HS3ST2: variants seen among roughly 807,000 people sequenced by gnomAD.
The protein encoded by HS3ST2 is heparan sulfate-glucosamine 3-sulfotransferase 2, also known as heparan sulfate glucosamine 3-O-sulfotransferase 2.
HS3ST2 carries 17 observed loss-of-function variants against 26.3 expected under a neutral mutation model. That is an observed-to-expected ratio of 0.65 (90% CI 0.44 to 0.97). HS3ST2 has a LOEUF of 0.97. HS3ST2 is among the 50% of genes least tolerant of loss of function. The pLI is 0.00. For missense variants in HS3ST2, 402 were observed against 501.2 expected, an observed-to-expected ratio of 0.80 and a Z score of 1.89; for synonymous variants, 237 against 219.2, an observed-to-expected ratio of 1.08 and a Z score of -0.72.
At chr16:22,863,805 C>A (rs1264514357) in intron 1 of HS3ST2, among the ~76,000 whole-genome samples, 1 of 152,192 alleles carries the variant, frequency 6.6e-6, no homozygotes, top group East Asian at 1.9e-4. Flanking sequence ...GCTCTCCAGG[C>A]CGTGCAAGAA....
chr16:22,822,256 C>T (rs1319042108), intron 1 of HS3ST2, among the ~76,000 whole-genome samples: 1 of 152,250 alleles, frequency 6.6e-6, no homozygotes, highest in Non-Finnish European at 1.5e-5. Flanking sequence ...GTCTCAACCT[C>T]CCAGGCTCAA....
At chr16:22,865,280 C>T (rs1299885123) in intron 1 of HS3ST2, among the ~76,000 whole-genome samples, 7 of 151,956 alleles carry the variant, frequency 4.6e-5, no homozygotes, top group South Asian at 2.1e-4. Context: ...CTAGGCCGGG[C>T]GCGGTGGCTC....
intron 1 of HS3ST2, among the ~76,000 whole-genome samples, chr16:22,824,677 T>G (rs1596604315): frequency 6.6e-6 from 1 of 152,300 alleles, no homozygotes; most frequent in South Asian, 2.1e-4. Context: ...CAATGCAACT[T>G]CTTTGTGTGC....
chr16:22,894,746 A>G (rs1902183018), intron 1 of HS3ST2, among the ~76,000 whole-genome samples: 2 of 152,064 alleles, frequency 1.3e-5, no homozygotes, highest in Admixed American at 1.3e-4. Context: ...AAAAAAAAAA[A>G]AAAAAAGGAG....
At position 22,881,060 on chromosome 16, in the gene HS3ST2, T is replaced by C. The variant is rs531768938; in HGVS notation, c.486-33884T>C. Among the ~76,000 whole-genome samples, 7 of 152,360 alleles carry C rather than the reference T, an allele frequency of 4.6e-5. No homozygotes were observed. The East Asian group carries it at 1.4e-3, about 29-fold the overall frequency. On this transcript the variant is annotated intron_variant, in intron 1 of 1. Transcript: ENST00000261374. Reference sequence around the variant, plus strand: ...GAGTTTAAACTGAGTTTCCATCACTTGCAACCAAAGGACAGATCTCCATTC... The same window carrying C: ...GAGTTTAAACTGAGTTTCCATCACTCGCAACCAAAGGACAGATCTCCATTC...
At chr16:22,900,419 G>C (rs1281259984) in intron 1 of HS3ST2, among the ~76,000 whole-genome samples, 4 of 152,150 alleles carry the variant, frequency 2.6e-5, no homozygotes, top group Admixed American at 2.6e-4. Flanking sequence ...GTAGAGCCTA[G>C]CTAGAGACAG....
chr16:22,899,742 G>A (rs1359124661), intron 1 of HS3ST2, among the ~76,000 whole-genome samples: 1 of 152,216 alleles, frequency 6.6e-6, no homozygotes, highest in Admixed American at 6.5e-5. Context: ...GAGAGAGCAT[G>A]TGCAGGGGAA....
intron 1 of HS3ST2, among the ~76,000 whole-genome samples, chr16:22,871,265 A>G (rs1281754866): frequency 1.3e-5 from 2 of 152,010 alleles, no homozygotes; most frequent in African/African-American, 4.8e-5. Flanking sequence ...CTGAGGCAGA[A>G]GAATTGCTTG....
Position 22,814,847 on chromosome 16 carries a change from G to GCCCAGCGAGCCCAGCGCT in HS3ST2, c.245_262dup (p.Glu82_Ser87dup). 1 of 1,561,190 alleles carries GCCCAGCGAGCCCAGCGCT rather than the reference G, an allele frequency of 6.4e-7. No homozygotes were observed. Among genetic ancestry groups the GCCCAGCGAGCCCAGCGCT allele is most frequent in the Non-Finnish European group, 8.7e-7 (1 of 1,153,626 alleles). On this transcript the variant is annotated inframe_insertion, in exon 1 of 2. Transcript: ENST00000261374. ...GCCCCTGTGATCCCTCCGGGCCGAC[G>GCCCAGCGAGCCCAGCGCT]CCCAGCGAGCCCAGCGCTCCCAGCG...
In HS3ST2 at chr16:22,915,307, C is replaced by A. The variant is rs947875343; in HGVS notation, c.849C>A (p.Gly283=). ...AGCGACTCATCACTGACCCGGCCGGCGAGATGGGGCGAGTCCAGGACTTCC... is the reference window on the plus strand; with the variant it reads ...AGCGACTCATCACTGACCCGGCCGGAGAGATGGGGCGAGTCCAGGACTTCC... ...SGERLITDPA[G]EMGRVQDFLG... is the part of the protein sequence containing the mutation. Residue 283 remains glycine, a synonymous_variant, in exon 2 of 2, where the codon GGC becomes GGA. Transcript: ENST00000261374. 1.9e-6 allele frequency: 3 copies of A among 1,613,720 alleles called. No individual in the cohort carries two copies. Among genetic ancestry groups the A allele is most frequent in the East Asian group, 2.2e-5 (1 of 44,852 alleles).
intron 1 of HS3ST2, among the ~76,000 whole-genome samples, chr16:22,844,456 C>T (rs982287454): frequency 1.4e-4 from 22 of 152,082 alleles, no homozygotes; most frequent in Admixed American, 1.4e-3. Context: ...AGTCACAGTT[C>T]CAGGTAACCT....
chr16:22,893,638 T>TC (rs1410032022), intron 1 of HS3ST2, among the ~76,000 whole-genome samples: 27 of 150,336 alleles, frequency 1.8e-4, no homozygotes, highest in Middle Eastern at 6.8e-3. Context: ...TCTTTTCTTT[T>TC]TTTTTTTTTT....
At chr16:22,880,103 C>G (rs916669) in intron 1 of HS3ST2, among the ~76,000 whole-genome samples, 19,152 of 152,038 alleles carry the variant, frequency 0.13, 1,738 homozygotes, top group East Asian at 0.33. Flanking sequence ...GCTAACTCTC[C>G]TATCTTGATT....
chr16:22,891,885 C>T (rs1199083000), intron 1 of HS3ST2, among the ~76,000 whole-genome samples: 2 of 151,972 alleles, frequency 1.3e-5, no homozygotes, highest in Non-Finnish European at 2.9e-5. Context: ...CTTCCTATTT[C>T]GAATTTATAA....
intron 1 of HS3ST2, among the ~76,000 whole-genome samples, chr16:22,888,384 T>TC (rs1555514091): frequency 9.7e-5 from 13 of 133,802 alleles, no homozygotes; most frequent in Middle Eastern, 3.8e-3. Flanking sequence ...TTTTTTTTTT[T>TC]TTTTTTTTCT....
intron 1 of HS3ST2, among the ~76,000 whole-genome samples, chr16:22,857,588 A>G (rs1444786795): frequency 2.0e-5 from 3 of 152,220 alleles, no homozygotes; most frequent in African/African-American, 4.8e-5. Context: ...GCTCTAAATA[A>G]CATCTCCATG....
At chr16:22,906,559 A>G (rs924610415) in intron 1 of HS3ST2, among the ~76,000 whole-genome samples, 1 of 152,138 alleles carries the variant, frequency 6.6e-6, no homozygotes, top group Non-Finnish European at 1.5e-5. Flanking sequence ...TGGGCTAGAG[A>G]CAGTGTACAG....
At chr16:22,830,720 C>T (rs773792605) in intron 1 of HS3ST2, among the ~76,000 whole-genome samples, 2 of 152,226 alleles carry the variant, frequency 1.3e-5, no homozygotes, top group Non-Finnish European at 2.9e-5. Flanking sequence ...ACAACCTCCC[C>T]AATCATGGGG....
chr16:22,867,011 CTT>C (rs1901767052), intron 1 of HS3ST2, among the ~76,000 whole-genome samples: 1 of 152,006 alleles, frequency 6.6e-6, no homozygotes. Context: ...GGTGAGAACA[CTT>C]GGAGAAAATC....
Sources: gnomAD v4.1 joint callset for allele counts (sites outside exome capture counted in the v4.1 genomes callset) on GRCh38, gnomAD v4.1.1 for gene constraint, MANE v1.5 for transcripts, NCBI Gene and HGNC (gene_info 2026-07-23, HGNC 2026-07-21) for gene names.